ITGB1: variants seen among roughly 807,000 people sequenced by gnomAD.
ITGB1 encodes the protein integrin beta-1.
In ITGB1, 24 loss-of-function variants were observed where a neutral mutation model predicts 86.5. The ratio of observed to expected loss-of-function variants is 0.28; its 90% CI spans 0.20 to 0.39. The LOEUF (loss-of-function observed/expected upper bound fraction) is 0.39. Among genes scored for constraint, ITGB1 ranks in the 10% least tolerant of loss-of-function variants. ITGB1 has a pLI of 1.00. For missense variants in ITGB1, 556 were observed against 946.9 expected (o/e 0.59, Z 5.42); for synonymous variants, 323 against 316.8 (o/e 1.02, Z -0.21).
At chr10:32,947,016 G>A (rs1207304701) in intron 1 of ITGB1, among the ~76,000 whole-genome samples, 1 of 151,888 alleles carries the variant, frequency 6.6e-6, no homozygotes, top group Admixed American at 6.6e-5. Flanking sequence ...GCTAATTTTT[G>A]TATTTTAGTA....
At chr10:32,919,796 G>C (rs2094942998) in intron 11 of ITGB1, 89 bp downstream of exon 11, 5 of 1,126,290 alleles carry the variant, frequency 4.4e-6, no homozygotes, top group African/African-American at 1.5e-5. Flanking sequence ...TCCAAATAGA[G>C]AGATATTCTC....
chr10:32,945,256 T>C (rs1327707202), intron 1 of ITGB1, among the ~76,000 whole-genome samples: 1 of 152,144 alleles, frequency 6.6e-6, no homozygotes, highest in African/African-American at 2.4e-5. Flanking sequence ...TAAAACACGT[T>C]AGAGCAAAAT....
chr10:32,906,845 C>T (rs555929000), intron 15 of ITGB1, among the ~76,000 whole-genome samples: 1 of 152,308 alleles, frequency 6.6e-6, no homozygotes, highest in East Asian at 1.9e-4. Flanking sequence ...TTGCAAAGCA[C>T]ATTCTCTTTT....
At chr10:32,916,126 ACT>A (rs1298160977) in intron 11 of ITGB1, among the ~76,000 whole-genome samples, 1 of 152,064 alleles carries the variant, frequency 6.6e-6, no homozygotes, top group Non-Finnish European at 1.5e-5. Flanking sequence ...CATGCTAAAA[ACT>A]CTCAATAAAC....
At chr10:32,919,328 A>G (rs16933787) in intron 11 of ITGB1, among the ~76,000 whole-genome samples, 20,722 of 152,242 alleles carry the variant, frequency 0.14, 1,722 homozygotes, top group East Asian at 0.25. Flanking sequence ...GTGTGAAAAT[A>G]AAATCTGAAG....
At chr10:32,951,675 C>A (rs928177300) in intron 1 of ITGB1, 1 of 152,184 alleles carries the variant, frequency 6.6e-6, no homozygotes, top group South Asian at 2.1e-4. Context: ...ACATTATTAC[C>A]TAGCAATTGA....
chr10:32,933,008 T>C (rs998724791), intron 2 of ITGB1, among the ~76,000 whole-genome samples: 1 of 152,136 alleles, frequency 6.6e-6, no homozygotes, highest in African/African-American at 2.4e-5. Context: ...GTCATACTTA[T>C]TCTTTCTATT....
chr10:32,948,243 ACAAT>A (rs1274686837), intron 1 of ITGB1, among the ~76,000 whole-genome samples: 5 of 152,334 alleles, frequency 3.3e-5, no homozygotes, highest in Non-Finnish European at 7.3e-5. Context: ...GTGCTTTCTA[ACAAT>A]CAGATTCCTG....
At chr10:32,901,926 T>C (rs1025885995) in intron 15 of ITGB1, among the ~76,000 whole-genome samples, 1 of 152,256 alleles carries the variant, frequency 6.6e-6, no homozygotes, top group Non-Finnish European at 1.5e-5. Flanking sequence ...GCACAGAATG[T>C]GCTGTCATCG....
intron 4 of ITGB1, among the ~76,000 whole-genome samples, chr10:32,929,208 A>AAAAG (rs760750525): frequency 2.7e-5 from 4 of 149,880 alleles, no homozygotes; most frequent in Non-Finnish European, 5.9e-5. Flanking sequence ...AAGAGTTAAA[A>AAAAG]AAAATCCTGA....
At chr10:32,934,462 A>C (rs1429181013) in intron 2 of ITGB1, among the ~76,000 whole-genome samples, 2 of 152,160 alleles carry the variant, frequency 1.3e-5, no homozygotes, top group African/African-American at 4.8e-5. Flanking sequence ...TTGGTATCTG[A>C]AGGAGGTCCT....
intron 6 of ITGB1, among the ~76,000 whole-genome samples, chr10:32,924,072 C>A (rs1420392773): frequency 6.6e-6 from 1 of 152,186 alleles, no homozygotes; most frequent in Admixed American, 6.5e-5. Flanking sequence ...CACTGCTTGG[C>A]AAGCAGTAAG....
At chr10:32,924,464 A>G (rs1281066447) in intron 6 of ITGB1, among the ~76,000 whole-genome samples, 3 of 152,196 alleles carry the variant, frequency 2.0e-5, no homozygotes, top group Non-Finnish European at 4.4e-5. Flanking sequence ...GATCTTCATA[A>G]GACAGTAAAA....
At chr10:32,930,517 A>T (rs947924606) in intron 3 of ITGB1, among the ~76,000 whole-genome samples, 3 of 152,190 alleles carry the variant, frequency 2.0e-5, no homozygotes, top group Non-Finnish European at 2.9e-5. Flanking sequence ...GCTTAAAAAC[A>T]TCTCAATTAA....
intron 9 of ITGB1, among the ~76,000 whole-genome samples, chr10:32,920,975 T>C (rs185789309): frequency 1.3e-5 from 2 of 150,234 alleles, no homozygotes; most frequent in East Asian, 3.9e-4. Flanking sequence ...AGAGTGCGAC[T>C]CCATCTAAAA....
chr10:32,916,922 C>T (rs550471869), intron 11 of ITGB1, among the ~76,000 whole-genome samples: 13 of 152,180 alleles, frequency 8.5e-5, no homozygotes, highest in African/African-American at 1.2e-4. Flanking sequence ...GGAGGCATCA[C>T]GCTACCTGAC....
chr10:32,903,604 G>A (rs867585305), intron 15 of ITGB1, among the ~76,000 whole-genome samples: 1 of 152,014 alleles, frequency 6.6e-6, no homozygotes, highest in Admixed American at 6.5e-5. Context: ...ACATACCTCA[G>A]CCCTCACTCC....
chr10:32,913,454 G>A (rs1431109634), intron 11 of ITGB1, among the ~76,000 whole-genome samples: 1 of 152,162 alleles, frequency 6.6e-6, no homozygotes, highest in Non-Finnish European at 1.5e-5. Flanking sequence ...TTAGAATAAA[G>A]AGCGTAGAGA....
intron 6 of ITGB1, among the ~76,000 whole-genome samples, chr10:32,925,501 G>A (rs2094961837): frequency 6.6e-6 from 1 of 152,160 alleles, no homozygotes; most frequent in Non-Finnish European, 1.5e-5. Context: ...TCCTGGTGAT[G>A]CCTCAGATAA....
Sources: gnomAD v4.1 joint callset for allele counts (sites outside exome capture counted in the v4.1 genomes callset) on GRCh38, gnomAD v4.1.1 for gene constraint, MANE v1.5 for transcripts, NCBI Gene and HGNC (gene_info 2026-07-23, HGNC 2026-07-21) for gene names.